CPA6: variants seen among roughly 807,000 people sequenced by gnomAD.
CPA6 encodes carboxypeptidase B.
CPA6 carries 58 observed loss-of-function variants against 63.3 expected under a neutral mutation model. That is an observed-to-expected ratio of 0.92 (90% CI 0.74 to 1.14). The LOEUF (loss-of-function observed/expected upper bound fraction) is 1.14, where lower values mean the gene tolerates loss of function less well. CPA6 is among the 50% of genes most tolerant of loss of function. The pLI, the probability that CPA6 is intolerant of heterozygous loss-of-function variation, is 0.00. For missense variants in CPA6, 565 were observed against 526.6 expected (o/e 1.07, Z -0.71); for synonymous variants, 185 against 179.0 (o/e 1.03, Z -0.27).
intron 8 of CPA6, among the ~76,000 whole-genome samples, chr8:67,446,651 G>GT (rs1165707306): frequency 6.6e-6 from 1 of 152,160 alleles, no homozygotes; most frequent in Admixed American, 6.5e-5. Flanking sequence ...GAATCCTCTA[G>GT]TAAGCAGTAT....
intron 7 of CPA6, among the ~76,000 whole-genome samples, chr8:67,484,360 C>T (rs1369753716): frequency 1.3e-5 from 2 of 152,196 alleles, no homozygotes; most frequent in East Asian, 3.9e-4. Context: ...GCTTGAGCCA[C>T]CGCGCCCGGC....
chr8:67,744,287 G>A (rs1351007734), intron 1 of CPA6, among the ~76,000 whole-genome samples: 1 of 152,110 alleles, frequency 6.6e-6, no homozygotes, highest in Non-Finnish European at 1.5e-5. Context: ...TAGACATCTG[G>A]TAATTTATAC....
At chr8:67,490,047 C>T (rs2128962162) in intron 6 of CPA6, among the ~76,000 whole-genome samples, 1 of 152,218 alleles carries the variant, frequency 6.6e-6, no homozygotes, top group South Asian at 2.1e-4. Context: ...AGAATTTCAG[C>T]TATTCTCCAT....
intron 1 of CPA6, among the ~76,000 whole-genome samples, chr8:67,654,705 G>A (rs530188785): frequency 3.3e-5 from 5 of 152,238 alleles, no homozygotes; most frequent in Non-Finnish European, 7.4e-5. Context: ...GTTTTGTACA[G>A]GATGTTGCCA....
chr8:67,680,377 T>C (rs1816566693), intron 1 of CPA6, among the ~76,000 whole-genome samples: 1 of 151,750 alleles, frequency 6.6e-6, no homozygotes, highest in Non-Finnish European at 1.5e-5. Flanking sequence ...GTGGTGTGTG[T>C]ATGTAGTCCT....
chr8:67,733,480 ATTC>A (rs1487123344), intron 1 of CPA6, among the ~76,000 whole-genome samples: 1 of 151,972 alleles, frequency 6.6e-6, no homozygotes, highest in African/African-American at 2.4e-5. Context: ...GTCTCACTTT[ATTC>A]TTCTCATCTC....
At chr8:67,433,909 A>G in intron 9 of CPA6, 129 bp downstream of exon 9, 1 of 668,902 alleles carries the variant, frequency 1.5e-6, no homozygotes, top group Non-Finnish European at 2.6e-6. Flanking sequence ...TAAATGAATT[A>G]ATACATGTAA....
At chr8:67,604,006 GA>G (rs1814563023) in intron 2 of CPA6, among the ~76,000 whole-genome samples, 1 of 152,230 alleles carries the variant, frequency 6.6e-6, no homozygotes, top group South Asian at 2.1e-4. Context: ...AATTTGATTG[GA>G]AAGGGTGAAA....
intron 6 of CPA6, among the ~76,000 whole-genome samples, chr8:67,492,464 C>T (rs576947248): frequency 2.6e-5 from 4 of 151,278 alleles, no homozygotes; most frequent in East Asian, 3.9e-4. Flanking sequence ...ATCCAAACTA[C>T]CCTTTATAAG....
chr8:67,588,604 C>T (rs1814013345), intron 2 of CPA6, among the ~76,000 whole-genome samples: 1 of 152,098 alleles, frequency 6.6e-6, no homozygotes, highest in Non-Finnish European at 1.5e-5. Context: ...ATAGCCCTTC[C>T]ATGGCTTATA....
At chr8:67,705,176 C>T (rs951735779) in intron 1 of CPA6, among the ~76,000 whole-genome samples, 24 of 152,102 alleles carry the variant, frequency 1.6e-4, no homozygotes, top group Admixed American at 1.4e-3. Context: ...GAAAAAGTTC[C>T]GCACAGCTTG....
At chr8:67,617,556 T>A (rs1814985849) in intron 2 of CPA6, among the ~76,000 whole-genome samples, 2 of 152,244 alleles carry the variant, frequency 1.3e-5, no homozygotes. Flanking sequence ...CTTTTACCTT[T>A]TATGAAGTAT....
chr8:67,614,925 G>T (rs1471754878), intron 2 of CPA6, among the ~76,000 whole-genome samples: 1 of 152,158 alleles, frequency 6.6e-6, no homozygotes, highest in East Asian at 1.9e-4. Context: ...GTCTCCAGGG[G>T]TCTTACTTTT....
intron 1 of CPA6, among the ~76,000 whole-genome samples, chr8:67,687,530 TA>T (rs1192071869): frequency 1.3e-5 from 2 of 152,186 alleles, no homozygotes; most frequent in Non-Finnish European, 2.9e-5. Context: ...GCAAATCATT[TA>T]ACTGTTCTGA....
chr8:67,507,613 C>T (rs543334901), intron 5 of CPA6, among the ~76,000 whole-genome samples: 10 of 152,104 alleles, frequency 6.6e-5, no homozygotes, highest in East Asian at 3.8e-4. Flanking sequence ...TGTCAGACAT[C>T]GTGCTCAGTA....
At chr8:67,444,882 C>T (rs1352123527) in intron 8 of CPA6, among the ~76,000 whole-genome samples, 1 of 151,974 alleles carries the variant, frequency 6.6e-6, no homozygotes, top group East Asian at 1.9e-4. Context: ...GTCATTCACA[C>T]TAGGAAGGAA....
At chr8:67,649,490 T>C (rs1390100627) in intron 1 of CPA6, among the ~76,000 whole-genome samples, 3 of 152,204 alleles carry the variant, frequency 2.0e-5, no homozygotes, top group Non-Finnish European at 4.4e-5. Context: ...TACTATCTCA[T>C]TTGGTCCTCT....
At chr8:67,673,844 A>G (rs764430954) in intron 1 of CPA6, among the ~76,000 whole-genome samples, 1 of 152,202 alleles carries the variant, frequency 6.6e-6, no homozygotes, top group Non-Finnish European at 1.5e-5. Flanking sequence ...CTGGTGTTGA[A>G]CAAAGACACA....
intron 2 of CPA6, among the ~76,000 whole-genome samples, chr8:67,593,279 T>C (rs1814188573): frequency 1.3e-5 from 2 of 151,230 alleles, no homozygotes; most frequent in African/African-American, 2.4e-5. Context: ...TTCTTTTACA[T>C]TTGCTGAGGA....
Sources: allele counts gnomAD v4.1 joint callset (sites outside exome capture counted in the v4.1 genomes callset), GRCh38; gene constraint gnomAD v4.1.1; transcripts MANE v1.5; gene names NCBI Gene and HGNC (gene_info 2026-07-23, HGNC 2026-07-21).